The following PTPRD variants were observed in gnomAD, a reference collection of about 807,000 sequenced individuals.
PTPRD encodes protein tyrosine phosphatase receptor type D, also known as receptor-type tyrosine-protein phosphatase delta.
PTPRD carries 34 observed loss-of-function variants against 214.5 expected under a neutral mutation model. That is an observed-to-expected ratio of 0.16 (90% CI 0.12 to 0.21). The LOEUF is 0.21. Among genes scored for constraint, PTPRD ranks in the 10% least tolerant of loss-of-function variants. The pLI is 1.00. For missense variants in PTPRD, 2,545 were observed against 2,398.7 expected, an observed-to-expected ratio of 1.06 and a Z score of -1.27; for synonymous variants, 1,128 against 845.7, an observed-to-expected ratio of 1.33 and a Z score of -5.79.
At chr9:8,912,870 T>C (rs1009902276) in intron 11 of PTPRD, among the ~76,000 whole-genome samples, 1 of 152,036 alleles carries the variant, frequency 6.6e-6, no homozygotes, top group Admixed American at 6.6e-5. Flanking sequence ...GAAACAGAGG[T>C]GTAAATACCT....
At chr9:9,377,213 T>C (rs556136417) in intron 9 of PTPRD, among the ~76,000 whole-genome samples, 2 of 152,114 alleles carry the variant, frequency 1.3e-5, no homozygotes, top group Admixed American at 1.3e-4. Context: ...TAGATATATA[T>C]GAATACAGTA....
chr9:10,598,554 C>G (rs1388428083), intron 2 of PTPRD, among the ~76,000 whole-genome samples: 1 of 151,768 alleles, frequency 6.6e-6, no homozygotes, highest in Non-Finnish European at 1.5e-5. Context: ...ACGTTGTCAC[C>G]TGGATTCTAA....
intron 22 of PTPRD, among the ~76,000 whole-genome samples, chr9:8,504,651 C>T (rs1361736904): frequency 6.6e-6 from 1 of 152,136 alleles, no homozygotes; most frequent in African/African-American, 2.4e-5. Flanking sequence ...TTAATGTTGA[C>T]ACAGTCAGCC....
At chr9:8,453,183 G>C (rs1003592991) in intron 33 of PTPRD, among the ~76,000 whole-genome samples, 24 of 152,182 alleles carry the variant, frequency 1.6e-4, no homozygotes, top group African/African-American at 5.8e-4. Flanking sequence ...ATGATGAAAG[G>C]TACGGAGTCC....
chr9:10,321,910 A>G (rs2096560070), intron 3 of PTPRD, among the ~76,000 whole-genome samples: 1 of 152,042 alleles, frequency 6.6e-6, no homozygotes, highest in Admixed American at 6.6e-5. Context: ...CTTTGAAATG[A>G]ATGTGTCAAA....
At chr9:8,389,992 A>T (rs2088864944) in intron 36 of PTPRD, among the ~76,000 whole-genome samples, 1 of 152,140 alleles carries the variant, frequency 6.6e-6, no homozygotes, top group South Asian at 2.1e-4. Flanking sequence ...AAGTTGGTGG[A>T]ATCAGGTTTA....
At chr9:8,644,419 G>T (rs2096643796) in intron 12 of PTPRD, among the ~76,000 whole-genome samples, 1 of 152,144 alleles carries the variant, frequency 6.6e-6, no homozygotes, top group Non-Finnish European at 1.5e-5. Flanking sequence ...CATTCTTCCT[G>T]GTCACAGGAC....
At chr9:9,804,104 G>C (rs1377880280) in intron 5 of PTPRD, among the ~76,000 whole-genome samples, 2 of 151,954 alleles carry the variant, frequency 1.3e-5, no homozygotes, top group East Asian at 3.9e-4. Flanking sequence ...GGCTGTTTTT[G>C]ATCAGCTTCT....
chr9:10,332,686 C>T (rs570440659), intron 3 of PTPRD, among the ~76,000 whole-genome samples: 56 of 151,648 alleles, frequency 3.7e-4, no homozygotes, highest in African/African-American at 1.3e-3. Flanking sequence ...ATGAGAAAAC[C>T]GAGACCTGAA....
intron 9 of PTPRD, among the ~76,000 whole-genome samples, chr9:9,354,431 C>A (rs537745714): frequency 2.6e-5 from 4 of 151,798 alleles, no homozygotes; most frequent in Admixed American, 2.6e-4. Flanking sequence ...TTTTATCATA[C>A]CTACAGAGAT....
intron 36 of PTPRD, among the ~76,000 whole-genome samples, chr9:8,400,460 C>T (rs1388952383): frequency 1.3e-5 from 2 of 152,182 alleles, no homozygotes. Context: ...TCAGGTTAGT[C>T]ATGCCATAAA....
chr9:8,829,626 T>C (rs1462102252), intron 11 of PTPRD, among the ~76,000 whole-genome samples: 1 of 152,168 alleles, frequency 6.6e-6, no homozygotes, highest in Non-Finnish European at 1.5e-5. Context: ...CAGGTTGTTG[T>C]CCAGCACTTG....
At chr9:8,350,210 C>T (rs1376836713) in intron 39 of PTPRD, among the ~76,000 whole-genome samples, 1 of 152,066 alleles carries the variant, frequency 6.6e-6, no homozygotes, top group Non-Finnish European at 1.5e-5. Context: ...ATGCTAAAGT[C>T]ATTCTGGAGA....
intron 4 of PTPRD, among the ~76,000 whole-genome samples, chr9:9,973,722 C>CTTCT (rs2154052770): frequency 6.6e-6 from 1 of 152,140 alleles, no homozygotes; most frequent in South Asian, 2.1e-4. Flanking sequence ...GTACTTTGAG[C>CTTCT]TAAGAAAGGA....
At chr9:9,879,334 T>C (rs1213011121) in intron 5 of PTPRD, among the ~76,000 whole-genome samples, 3 of 152,168 alleles carry the variant, frequency 2.0e-5, no homozygotes, top group Non-Finnish European at 4.4e-5. Context: ...ATGTCTGTAT[T>C]ACTTCACTCC....
chr9:9,104,964 AAC>A (rs2099796452), intron 10 of PTPRD, among the ~76,000 whole-genome samples: 1 of 152,216 alleles, frequency 6.6e-6, no homozygotes. Flanking sequence ...TGCTGTGCAC[AAC>A]ACAGAAAGTA....
At chr9:9,057,794 C>A (rs1195095390) in intron 10 of PTPRD, among the ~76,000 whole-genome samples, 1 of 152,122 alleles carries the variant, frequency 6.6e-6, no homozygotes, top group Non-Finnish European at 1.5e-5. Context: ...TTAATTCCAA[C>A]ATTTTCCTAC....
chr9:9,722,462 T>C (rs924972261), intron 7 of PTPRD, among the ~76,000 whole-genome samples: 1 of 152,128 alleles, frequency 6.6e-6, no homozygotes, highest in Admixed American at 6.5e-5. Context: ...AAAAAATTTA[T>C]TCATCAATTG....
At chr9:8,616,624 A>G (rs1273805147) in intron 14 of PTPRD, among the ~76,000 whole-genome samples, 1 of 152,126 alleles carries the variant, frequency 6.6e-6, no homozygotes, top group Non-Finnish European at 1.5e-5. Flanking sequence ...TCTTATCAAA[A>G]AAAGATTGTG....
Sources: gnomAD v4.1 joint callset for allele counts (sites outside exome capture counted in the v4.1 genomes callset) on GRCh38, gnomAD v4.1.1 for gene constraint, MANE v1.5 for transcripts, NCBI Gene and HGNC (gene_info 2026-07-23, HGNC 2026-07-21) for gene names.